ARHGAP26: variants seen among roughly 807,000 people sequenced by gnomAD.
ARHGAP26 encodes Rho GTPase activating protein 26.
In ARHGAP26, 38 loss-of-function variants were observed where a neutral mutation model predicts 104.8. The observed-to-expected ratio is 0.36, with a 90% CI of 0.28 to 0.48. The LOEUF is 0.48. ARHGAP26 is among the 20% of genes least tolerant of loss of function. ARHGAP26 has a pLI of 0.99. For missense variants in ARHGAP26, 704 were observed against 947.9 expected, an observed-to-expected ratio of 0.74 and a Z score of 3.38; for synonymous variants, 341 against 340.0, an observed-to-expected ratio of 1.00 and a Z score of -0.03.
At chr5:142,924,697 C>G (rs1763660787) in intron 10 of ARHGAP26, among the ~76,000 whole-genome samples, 1 of 152,178 alleles carries the variant, frequency 6.6e-6, no homozygotes. Flanking sequence ...AAAGGTCTTG[C>G]AGAAGGACCT....
intron 1 of ARHGAP26, among the ~76,000 whole-genome samples, chr5:142,808,710 G>A (rs1024030609): frequency 1.3e-5 from 2 of 152,098 alleles, no homozygotes; most frequent in African/African-American, 4.8e-5. Context: ...TGGTCGAGCT[G>A]CCTAGAGCAT....
intron 22 of ARHGAP26, among the ~76,000 whole-genome samples, chr5:143,220,159 G>A (rs896163695): frequency 6.6e-6 from 1 of 152,220 alleles, no homozygotes; most frequent in African/African-American, 2.4e-5. Context: ...GCTATAAAGC[G>A]GGAGGGCCTG....
intron 1 of ARHGAP26, among the ~76,000 whole-genome samples, chr5:142,838,089 T>C (rs1016930732): frequency 2.0e-5 from 3 of 151,860 alleles, no homozygotes; most frequent in Admixed American, 6.6e-5. Flanking sequence ...TGAAACCCCG[T>C]CTACTAAAAA....
intron 11 of ARHGAP26, among the ~76,000 whole-genome samples, chr5:143,010,411 T>G (rs1415240889): frequency 6.6e-6 from 1 of 152,212 alleles, no homozygotes; most frequent in East Asian, 1.9e-4. Flanking sequence ...GTTGCAAGGA[T>G]TAGATGTTGC....
intron 10 of ARHGAP26, among the ~76,000 whole-genome samples, chr5:142,927,631 G>A (rs1764105221): frequency 6.6e-6 from 1 of 152,146 alleles, no homozygotes; most frequent in Admixed American, 6.5e-5. Context: ...TAAAACTGCA[G>A]GTATTCCTGA....
chr5:142,923,857 CTTTT>C (rs11389284), intron 10 of ARHGAP26, among the ~76,000 whole-genome samples: 1 of 105,870 alleles, frequency 9.4e-6, no homozygotes, highest in Non-Finnish European at 1.8e-5. Context: ...GGATCAGATC[CTTTT>C]TTTTTTTTTT....
At chr5:143,034,100 A>T (rs1340130307) in intron 12 of ARHGAP26, among the ~76,000 whole-genome samples, 7 of 152,190 alleles carry the variant, frequency 4.6e-5, no homozygotes, top group African/African-American at 1.7e-4. Context: ...GACAATAACA[A>T]ATGTTGGCAA....
intron 17 of ARHGAP26, among the ~76,000 whole-genome samples, chr5:143,108,302 C>T (rs1043530957): frequency 6.6e-6 from 1 of 152,174 alleles, no homozygotes; most frequent in African/African-American, 2.4e-5. Flanking sequence ...ATGTACTATA[C>T]CAGTAATTTT....
chr5:142,918,662 T>TG (rs993084287), intron 10 of ARHGAP26, among the ~76,000 whole-genome samples: 16 of 151,722 alleles, frequency 1.1e-4, no homozygotes, highest in Non-Finnish European at 1.6e-4. Context: ...GTTTTTGGGG[T>TG]GGGGGGGATG....
intron 1 of ARHGAP26, among the ~76,000 whole-genome samples, chr5:142,788,331 A>G (rs148146633): frequency 0.019 from 2,813 of 151,938 alleles, 83 homozygotes; most frequent in African/African-American, 0.065. Flanking sequence ...ACCAGCTCCC[A>G]TTTCTCTGCT....
At chr5:143,137,606 C>T (rs2150922926) in intron 19 of ARHGAP26, among the ~76,000 whole-genome samples, 1 of 152,386 alleles carries the variant, frequency 6.6e-6, no homozygotes, top group East Asian at 1.9e-4. Flanking sequence ...TTCAGAACCT[C>T]ATTTCTTTTG....
intron 12 of ARHGAP26, among the ~76,000 whole-genome samples, chr5:143,034,846 C>A (rs888611751): frequency 1.3e-5 from 2 of 152,136 alleles, no homozygotes; most frequent in African/African-American, 4.8e-5. Flanking sequence ...AAAATGCCTG[C>A]CGCATGAGTT....
Position 143,147,399 on chromosome 5 carries a change from C to T in ARHGAP26, c.1988+18C>T. 6.2e-7 allele frequency: 1 copy of T among 1,607,230 alleles called. No individual in the cohort carries two copies. The highest frequency in any genetic ancestry group is 1.1e-5 in the South Asian group (1 of 89,912). The stretch of plus-strand genomic sequence containing the variant: ...AACTCACTGTAAGTATGATGTCCAG[C>T]TGCCTACCCCACAAGGGCTTTGGTC... On this transcript the variant is annotated intron_variant, in intron 20 of 22. Coordinates refer to ENST00000645722, the MANE Select transcript of ARHGAP26 (RefSeq NM_001135608.3).
chr5:142,907,648 G>A (rs749362728), intron 8 of ARHGAP26, 56 bp from the exon 9 acceptor site: 8 of 1,215,844 alleles, frequency 6.6e-6, no homozygotes, highest in Non-Finnish European at 9.4e-6. Context: ...TCCAGCTCAT[G>A]ATGTATAGCA....
Position 143,134,071 on chromosome 5 carries a change from G to A in ARHGAP26, c.1803G>A (p.Leu601=), listed in dbSNP as rs748477815. 1 of 1,612,546 alleles carries A rather than the reference G, an allele frequency of 6.2e-7. No individual in the cohort carries two copies. Among genetic ancestry groups the A allele is most frequent in the African/African-American group, 1.3e-5 (1 of 74,900 alleles). The change falls in exon 19 of 23, where the codon CTG becomes CTA. Residue 601 remains leucine (L), a synonymous_variant. Transcript: ENST00000645722. ...SKPPSCSERP[L]TLFHTVQSTE... is the part of the protein sequence containing the mutation. Reference sequence around the variant, plus strand: ...CCCCGTCCTGCAGCGAGAGGCCCCTGACGCTCTTCCACACCGTTCAGTCAA... The same window carrying A: ...CCCCGTCCTGCAGCGAGAGGCCCCTAACGCTCTTCCACACCGTTCAGTCAA...
At chr5:143,105,685 C>T (rs190784984) in intron 17 of ARHGAP26, among the ~76,000 whole-genome samples, 2 of 152,208 alleles carry the variant, frequency 1.3e-5, no homozygotes, top group East Asian at 1.9e-4. Flanking sequence ...GCGGGAGTGG[C>T]ATCTGTCTGC....
At chr5:143,187,591 A>C (rs1805334436) in intron 20 of ARHGAP26, among the ~76,000 whole-genome samples, 1 of 152,252 alleles carries the variant, frequency 6.6e-6, no homozygotes, top group South Asian at 2.1e-4. Flanking sequence ...AGGCAAGGCC[A>C]GAGGAGAACA....
At chr5:142,923,176 CTTGATTGG>C (rs1460796130) in intron 10 of ARHGAP26, among the ~76,000 whole-genome samples, 40 of 151,462 alleles carry the variant, frequency 2.6e-4, no homozygotes, top group Non-Finnish European at 5.0e-4. Flanking sequence ...GGTTAATGGA[CTTGATTGG>C]GAGGGTGATT....
At chr5:142,993,541 G>A (rs2152762832) in intron 11 of ARHGAP26, among the ~76,000 whole-genome samples, 1 of 152,076 alleles carries the variant, frequency 6.6e-6, no homozygotes, top group Non-Finnish European at 1.5e-5. Flanking sequence ...CTGACCTCAG[G>A]TGATCCACCT....
Sources: gnomAD v4.1 joint callset for allele counts (sites outside exome capture counted in the v4.1 genomes callset) on GRCh38, gnomAD v4.1.1 for gene constraint, MANE v1.5 for transcripts, NCBI Gene and HGNC (gene_info 2026-07-23, HGNC 2026-07-21) for gene names.